Variants in ITGAV observed in about 807,000 individuals in gnomAD.
ITGAV encodes the protein integrin subunit alpha V.
A neutral mutation model predicts 143.8 loss-of-function variants in ITGAV; 76 were observed. The observed-to-expected ratio is 0.53, with a 90% confidence interval of 0.44 to 0.64. The LOEUF is 0.64. Among genes scored for constraint, ITGAV ranks in the 30% least tolerant of loss-of-function variants. The pLI is 0.00. For synonymous variants in ITGAV, 453 were observed against 446.7 expected, an observed-to-expected ratio of 1.01 and a Z score of -0.18; for missense variants, 1,193 against 1,274.7, an observed-to-expected ratio of 0.94 and a Z score of 0.98.
At chr2:186,670,121 A>G (rs186068390) in intron 26 of ITGAV, among the ~76,000 whole-genome samples, 1 of 152,326 alleles carries the variant, frequency 6.6e-6, no homozygotes, top group Admixed American at 6.5e-5. Flanking sequence ...TACGATACTA[A>G]AAAATCCAGA....
Position 186,622,246 on chromosome 2 carries a change from G to A in ITGAV, c.317-93G>A, listed in dbSNP as rs554926561. Reference sequence around the variant, plus strand: ...GTGGAATATTTGATTAATCAAAGGTGTACTATTTCTCAACCTAGCTGGGGA... The same window carrying A: ...GTGGAATATTTGATTAATCAAAGGTATACTATTTCTCAACCTAGCTGGGGA... On this transcript the variant is annotated intron_variant, in intron 2 of 29. Transcript: ENST00000261023. The A allele has an allele frequency of 9.2e-4, 744 of 807,300 alleles. 15 individuals carry two copies. In the South Asian group the frequency reaches 0.012, roughly 12 times the overall value. The allele number at this position is 807,300 out of a possible 1,614,324, so 50.0% of individuals were successfully genotyped here.
rs1289783338 is a variant in ITGAV, at chr2:186,675,712, A to T, written c.2815A>T (p.Met939Leu). Reference sequence around the variant, plus strand: ...GTCATTACTGTGGACTGAGACTTTTATGAATGTAAGTAGACAGGTGCAGCA... The same window carrying T: ...GTCATTACTGTGGACTGAGACTTTTTTGAATGTAAGTAGACAGGTGCAGCA... The part of the protein sequence containing the change: ...VKSLLWTETF[M>L]NKENQNHSYS... The change falls in exon 27 of 30, where the codon ATG becomes TTG. Residue 939 changes from methionine to leucine, a missense_variant. Transcript: ENST00000261023. 6.2e-7 allele frequency: 1 copy of T among 1,608,420 alleles called. No homozygotes were observed.
In ITGAV at chr2:186,640,931, G is replaced by A; in HGVS notation, c.920G>A (p.Gly307Glu). ...FTGEQMAAYF[G>E]FSVAATDING... ...TTTATCCAGATGGCTGCATATTTCG[G>A]ATTTTCTGTAGCTGCCACTGACATT... The change falls in exon 11 of 30, where the codon GGA becomes GAA. Residue 307 changes from glycine (G) to glutamate (E), a missense_variant. Coordinates refer to ENST00000261023, the MANE Select transcript of ITGAV (RefSeq NM_002210.5). 6.3e-7 allele frequency: 1 copy of A among 1,595,096 alleles called. No homozygotes were observed. Among genetic ancestry groups the A allele is most frequent in the African/African-American group, 1.3e-5 (1 of 74,654 alleles).
At chr2:186,623,467 G>A (rs929098979) in intron 3 of ITGAV, among the ~76,000 whole-genome samples, 7 of 151,796 alleles carry the variant, frequency 4.6e-5, no homozygotes, top group African/African-American at 1.7e-4. Context: ...TGCTCTTAAC[G>A]TTCAGTTTCC....
At chr2:186,601,583 T>TA (rs1686907539) in intron 1 of ITGAV, among the ~76,000 whole-genome samples, 1 of 152,172 alleles carries the variant, frequency 6.6e-6, no homozygotes, top group Non-Finnish European at 1.5e-5. Context: ...AATATTTTTT[T>TA]TTTTGCTCAA....
In ITGAV at chr2:186,590,263, C is replaced by G; in HGVS notation, c.-76C>G. ...TTGGGCGCGCGCAGGCGGCGGGCCGCGGGCACTGGGCGCCTCGCTGGGGCG... is the reference window on the plus strand; with the variant it reads ...TTGGGCGCGCGCAGGCGGCGGGCCGGGGGCACTGGGCGCCTCGCTGGGGCG... On this transcript the variant is annotated 5_prime_UTR_variant, in exon 1 of 30. Coordinates refer to ENST00000261023, the MANE Select transcript of ITGAV (RefSeq NM_002210.5). 7.9e-7 allele frequency: 1 copy of G among 1,259,804 alleles called. No homozygotes were observed. Among genetic ancestry groups the G allele is most frequent in the Admixed American group, 4.2e-5 (1 of 23,926 alleles). The allele number at this position is 1,259,804 out of a possible 1,614,324, so 78.0% of individuals were successfully genotyped here. A position where few individuals can be genotyped will look rare whatever the true frequency, so the allele number is the denominator to read the frequency against.
intron 18 of ITGAV, among the ~76,000 whole-genome samples, chr2:186,661,273 A>G (rs1470064691): frequency 2.0e-5 from 3 of 152,190 alleles, no homozygotes; most frequent in African/African-American, 4.8e-5. Context: ...TTCACAGTTG[A>G]AAAAGTAGAT....
intron 18 of ITGAV, among the ~76,000 whole-genome samples, chr2:186,662,657 G>A (rs1688779589): frequency 6.6e-6 from 1 of 152,178 alleles, no homozygotes; most frequent in African/African-American, 2.4e-5. Flanking sequence ...GAATTTAGAT[G>A]TGCTAAAAGT....
chr2:186,610,666 G>A (rs1687192047), intron 2 of ITGAV, among the ~76,000 whole-genome samples: 1 of 152,132 alleles, frequency 6.6e-6, no homozygotes, highest in South Asian at 2.1e-4. Flanking sequence ...AAAGAATAAT[G>A]TGAACTTTGA....
chr2:186,610,023 C>T (rs1687171202), intron 2 of ITGAV, among the ~76,000 whole-genome samples: 1 of 152,080 alleles, frequency 6.6e-6, no homozygotes, highest in South Asian at 2.1e-4. Flanking sequence ...ACATCTTGGA[C>T]TCCTGGTTCC....
At chr2:186,622,240 A>C (rs537504625) in intron 2 of ITGAV, 99 bp from the exon 3 acceptor site, 2 of 766,128 alleles carry the variant, frequency 2.6e-6, no homozygotes, top group South Asian at 3.4e-5. Flanking sequence ...TTGATTAATC[A>C]AAGGTGTACT....
intron 1 of ITGAV, 59 bp downstream of exon 1, chr2:186,590,582 A>G (rs1686589814): frequency 8.1e-6 from 12 of 1,481,022 alleles, no homozygotes; most frequent in South Asian, 1.2e-5. Context: ...GCACCCACCC[A>G]GCGTTTCTCC....
intron 3 of ITGAV, among the ~76,000 whole-genome samples, chr2:186,623,045 C>G (rs936975063): frequency 6.6e-6 from 1 of 151,980 alleles, no homozygotes; most frequent in African/African-American, 2.4e-5. Context: ...AAATACGACA[C>G]GATGTTGAAG....
chr2:186,619,063 GTATATA>G (rs144761943), intron 2 of ITGAV, among the ~76,000 whole-genome samples: 2 of 148,440 alleles, frequency 1.3e-5, no homozygotes, highest in African/African-American at 5.0e-5. Context: ...GTATGTATGT[GTATATA>G]TATATATGTA....
chr2:186,610,119 TG>T (rs999420594), intron 2 of ITGAV, among the ~76,000 whole-genome samples: 6 of 152,098 alleles, frequency 3.9e-5, no homozygotes, highest in Non-Finnish European at 8.8e-5. Context: ...TTTGGTAAAA[TG>T]ATAGAAGTTA....
chr2:186,624,711 A>G (rs1487619782), intron 3 of ITGAV, among the ~76,000 whole-genome samples: 4 of 152,212 alleles, frequency 2.6e-5, no homozygotes, highest in East Asian at 3.8e-4. Flanking sequence ...CTACTGCTCT[A>G]TGTGGTATTA....
chr2:186,646,861 C>T lies in ITGAV; in HGVS notation c.1335C>T (p.Asp445=), dbSNP rs1248670034. ...GYSMKGATDI[D]KNGYPDLIVG... ...CAATGAAAGGAGCCACAGATATAGA[C>T]AAAAATGGATATCCAGGTGCTTTCT... Residue 445 remains aspartate, a synonymous_variant, in exon 13 of 30, where the codon GAC becomes GAT. Coordinates refer to ENST00000261023, the MANE Select transcript of ITGAV (RefSeq NM_002210.5). The T allele has an allele frequency of 1.9e-6, 3 of 1,585,060 alleles. No homozygotes were observed. In the East Asian group the frequency reaches 6.8e-5, roughly 36 times the overall value.
intron 14 of ITGAV, among the ~76,000 whole-genome samples, chr2:186,650,206 C>A (rs1688386622): frequency 6.6e-6 from 1 of 152,158 alleles, no homozygotes; most frequent in African/African-American, 2.4e-5. Context: ...TCCAGCCTCT[C>A]TTCTAGTTAT....
intron 2 of ITGAV, among the ~76,000 whole-genome samples, chr2:186,613,148 C>CTT (rs76180545): frequency 1.0e-4 from 12 of 120,338 alleles, no homozygotes; most frequent in African/African-American, 1.5e-4. Context: ...ATGGGATTGG[C>CTT]TTTTTTTTTT....
Sources: gnomAD v4.1 joint callset for allele counts (sites outside exome capture counted in the v4.1 genomes callset) on GRCh38, gnomAD v4.1.1 for gene constraint, MANE v1.5 for transcripts, NCBI Gene and HGNC (gene_info 2026-07-23, HGNC 2026-07-21) for gene names.